CHRM2: variants seen among roughly 807,000 people sequenced by gnomAD.
The protein encoded by CHRM2 is cholinergic receptor muscarinic 2.
CHRM2 carries 8 observed loss-of-function variants against 25.0 expected under a neutral mutation model. The observed-to-expected ratio is 0.32, with a 90% CI of 0.19 to 0.58. The LOEUF is 0.58. Ranked by LOEUF, CHRM2 falls within the 20% of genes least tolerant of loss-of-function variation. CHRM2 has a pLI of 0.88. For synonymous variants in CHRM2, 202 were observed against 205.7 expected (o/e 0.98, Z 0.15); for missense variants, 440 against 567.1 (o/e 0.78, Z 2.28).
intron 2 of CHRM2, among the ~76,000 whole-genome samples, chr7:136,875,995 A>C (rs941664554): frequency 1.3e-5 from 2 of 152,180 alleles, no homozygotes; most frequent in African/African-American, 4.8e-5. Flanking sequence ...ACTAATAATA[A>C]TACTCATGAA....
chr7:137,002,144 T>C (rs1804079998), intron 3 of CHRM2, among the ~76,000 whole-genome samples: 2 of 152,222 alleles, frequency 1.3e-5, no homozygotes, highest in African/African-American at 4.8e-5. Context: ...TTTTGTTTTG[T>C]TTGTTTTGTT....
intron 2 of CHRM2, chr7:136,914,332 T>C (rs1660544221): frequency 6.6e-6 from 1 of 151,986 alleles, no homozygotes; most frequent in Admixed American, 6.6e-5. Context: ...ATTTTCATTC[T>C]TTATTGCATA....
intron 3 of CHRM2, among the ~76,000 whole-genome samples, chr7:136,997,968 G>A (rs1165253382): frequency 6.6e-6 from 1 of 152,168 alleles, no homozygotes; most frequent in Non-Finnish European, 1.5e-5. Context: ...CAGACAGCTG[G>A]AGAGACAGAC....
intron 2 of CHRM2, among the ~76,000 whole-genome samples, chr7:136,900,317 A>C (rs1797127247): frequency 1.3e-5 from 2 of 152,104 alleles, no homozygotes; most frequent in African/African-American, 4.8e-5. Flanking sequence ...AGCCAAGTTA[A>C]CTATTTTTTT....
At chr7:136,873,688 G>A (rs565811760) in intron 2 of CHRM2, among the ~76,000 whole-genome samples, 31 of 152,282 alleles carry the variant, frequency 2.0e-4, no homozygotes, top group South Asian at 1.9e-3. Flanking sequence ...CAATCGGTTC[G>A]CTATAAATAG....
rs189333599 is a variant in CHRM2 at position 136,919,149 on chromosome 7, A to C, written c.-125+49731A>C. Among the ~76,000 whole-genome samples the C allele has an allele frequency of 9.9e-5, 15 of 152,206 alleles. No individual in the cohort carries two copies. In the East Asian group the frequency reaches 2.9e-3, roughly 29 times the overall value. On this transcript the variant is annotated intron_variant, in intron 2 of 3. Coordinates refer to ENST00000680005, the MANE Select transcript of CHRM2 (RefSeq NM_001006630.2). ...TTTTATCTTTCTTGTTCTTGGTTCAAGACACTGTACGAAGACAATCATTTG... is the reference window on the plus strand; with the variant it reads ...TTTTATCTTTCTTGTTCTTGGTTCACGACACTGTACGAAGACAATCATTTG...
intron 2 of CHRM2, among the ~76,000 whole-genome samples, chr7:136,930,854 G>T (rs530369312): frequency 1.5e-5 from 2 of 130,964 alleles, no homozygotes; most frequent in Non-Finnish European, 3.1e-5. Flanking sequence ...CCGAGACTGC[G>T]CCACTGCACT....
chr7:136,880,632 T>A (rs993605787), intron 2 of CHRM2, among the ~76,000 whole-genome samples: 15 of 152,060 alleles, frequency 9.9e-5, no homozygotes, highest in African/African-American at 3.6e-4. Context: ...ATAGTTTTTT[T>A]AATAGACTTT....
At chr7:136,881,574 T>A (rs1796267720) in intron 2 of CHRM2, among the ~76,000 whole-genome samples, 1 of 152,076 alleles carries the variant, frequency 6.6e-6, no homozygotes, top group Admixed American at 6.6e-5. Flanking sequence ...TTGCTCTGAA[T>A]ATTTTAATTC....
At chr7:136,874,923 C>A (rs1349907480) in intron 2 of CHRM2, among the ~76,000 whole-genome samples, 3 of 151,012 alleles carry the variant, frequency 2.0e-5, no homozygotes, top group East Asian at 3.9e-4. Flanking sequence ...ACCGAGATAT[C>A]CCTGGGAGGA....
At chr7:136,925,948 G>A (rs1798720521) in intron 2 of CHRM2, among the ~76,000 whole-genome samples, 3 of 152,122 alleles carry the variant, frequency 2.0e-5, no homozygotes, top group Admixed American at 6.6e-5. Flanking sequence ...CCTACTTATA[G>A]TCTAGCTAGC....
At chr7:136,872,141 A>G (rs2130452239) in intron 2 of CHRM2, among the ~76,000 whole-genome samples, 1 of 152,354 alleles carries the variant, frequency 6.6e-6, no homozygotes, top group Middle Eastern at 3.4e-3. Context: ...CCAAATTCCC[A>G]GGGCTAGACT....
chr7:136,944,356 C>A (rs1334192056), intron 2 of CHRM2, among the ~76,000 whole-genome samples: 1 of 151,332 alleles, frequency 6.6e-6, no homozygotes. Flanking sequence ...TTTTCACTCT[C>A]GAGTTATTTC....
chr7:136,994,246 T>C (rs1584893294), intron 3 of CHRM2, among the ~76,000 whole-genome samples: 1 of 152,272 alleles, frequency 6.6e-6, no homozygotes, highest in Admixed American at 6.5e-5. Context: ...AGCTCAAACA[T>C]CAATGGTGTT....
chr7:136,932,468 C>T (rs898500488), intron 2 of CHRM2, among the ~76,000 whole-genome samples: 1 of 152,110 alleles, frequency 6.6e-6, no homozygotes, highest in African/African-American at 2.4e-5. Flanking sequence ...CAGAATAAAA[C>T]CTTACATTTA....
intron 2 of CHRM2, among the ~76,000 whole-genome samples, chr7:136,965,922 G>A (rs1328042304): frequency 6.6e-6 from 1 of 151,936 alleles, no homozygotes; most frequent in East Asian, 1.9e-4. Flanking sequence ...CCAAGAGTGT[G>A]GCAGAAATAA....
chr7:136,999,180 G>T (rs1221819938), intron 3 of CHRM2, among the ~76,000 whole-genome samples: 1 of 152,024 alleles, frequency 6.6e-6, no homozygotes, highest in African/African-American at 2.4e-5. Flanking sequence ...GAGTCATCAT[G>T]AACGATGTTT....
Position 136,937,456 on chromosome 7 carries a change from T to C in CHRM2, c.-124-54731T>C, listed in dbSNP as rs555981072. Among the ~76,000 whole-genome samples, 10 of 151,926 alleles carry C rather than the reference T, an allele frequency of 6.6e-5. No individual in the cohort carries two copies. In the East Asian group the frequency reaches 1.9e-3, roughly 29 times the overall value. On this transcript the variant is annotated intron_variant, in intron 2 of 3. Transcript: ENST00000680005. ...ATCTATATTGCATGTAGATTCAGTA[T>C]ATTATAGCACATTCAACACTTGATC...
chr7:136,986,954 T>G (rs1211704789), intron 2 of CHRM2, among the ~76,000 whole-genome samples: 2 of 152,164 alleles, frequency 1.3e-5, no homozygotes, highest in Admixed American at 6.6e-5. Context: ...TTTTTCTACC[T>G]GCATCTGATG....
Sources: allele counts gnomAD v4.1 joint callset (sites outside exome capture counted in the v4.1 genomes callset), GRCh38; gene constraint gnomAD v4.1.1; transcripts MANE v1.5; gene names NCBI Gene and HGNC (gene_info 2026-07-23, HGNC 2026-07-21).